ANKRD44: variants seen among roughly 807,000 people sequenced by gnomAD.
ANKRD44 encodes the protein serine/threonine-protein phosphatase 6 regulatory ankyrin repeat subunit B.
A neutral mutation model predicts 116.0 loss-of-function variants in ANKRD44; 35 were observed. The ratio of observed to expected loss-of-function variants is 0.30; its 90% CI spans 0.23 to 0.40. ANKRD44 has a LOEUF of 0.40. ANKRD44 is among the 10% of genes least tolerant of loss of function. The probability of loss-of-function intolerance (pLI) is 1.00; values close to 1 mark genes in which losing one functional copy is unlikely to be tolerated. For missense variants in ANKRD44, 1,014 were observed against 1,242.6 expected, an observed-to-expected ratio of 0.82 and a Z score of 2.77; for synonymous variants, 435 against 461.8, an observed-to-expected ratio of 0.94 and a Z score of 0.74.
intron 27 of ANKRD44, 116 bp from the exon 28 acceptor site, chr2:196,989,765 T>A: frequency 1.3e-6 from 2 of 1,498,080 alleles, no homozygotes; most frequent in South Asian, 1.3e-5. Flanking sequence ...ACTTTTTTTG[T>A]TCCTTTTTGC....
chr2:197,043,774 T>C (rs1158434748), intron 16 of ANKRD44, among the ~76,000 whole-genome samples: 1 of 152,082 alleles, frequency 6.6e-6, no homozygotes, highest in Non-Finnish European at 1.5e-5. Flanking sequence ...GTTTTTTTTT[T>C]CCCTTTCAGG....
At chr2:197,059,142 G>T (rs2125045352) in intron 16 of ANKRD44, among the ~76,000 whole-genome samples, 1 of 152,238 alleles carries the variant, frequency 6.6e-6, no homozygotes, top group South Asian at 2.1e-4. Flanking sequence ...GAGAGTAGAG[G>T]GGTAGGGGTG....
At chr2:196,995,598 T>A (rs901767153) in intron 25 of ANKRD44, 137 bp from the exon 26 acceptor site, 1 of 589,178 alleles carries the variant, frequency 1.7e-6, no homozygotes, top group Admixed American at 3.3e-5. Flanking sequence ...TTCTGAGTAA[T>A]TTTTTTTCTT....
intron 1 of ANKRD44, among the ~76,000 whole-genome samples, chr2:197,250,642 A>G (rs2082294642): frequency 6.6e-6 from 1 of 152,184 alleles, no homozygotes; most frequent in African/African-American, 2.4e-5. Context: ...TATACACCTT[A>G]TGTGCATTCT....
At chr2:197,225,384 C>A (rs1393462239) in intron 1 of ANKRD44, among the ~76,000 whole-genome samples, 2 of 152,114 alleles carry the variant, frequency 1.3e-5, no homozygotes, top group African/African-American at 4.8e-5. Context: ...CGCTCTGTCA[C>A]CCAGGCTGGA....
At chr2:197,063,571 C>T (rs752824735) in intron 16 of ANKRD44, among the ~76,000 whole-genome samples, 12 of 152,236 alleles carry the variant, frequency 7.9e-5, no homozygotes, top group Middle Eastern at 3.4e-3. Context: ...ATTAGACGAA[C>T]GGCTAACTGG....
At chr2:197,240,374 CA>C (rs5837533) in intron 1 of ANKRD44, among the ~76,000 whole-genome samples, 50,924 of 96,148 alleles carry the variant, frequency 0.53, 10,386 homozygotes, top group East Asian at 0.74. Flanking sequence ...GGCTCCAGCT[CA>C]AAAAAAAAAA....
chr2:197,156,109 G>T (rs1449163028), intron 2 of ANKRD44, among the ~76,000 whole-genome samples: 1 of 152,192 alleles, frequency 6.6e-6, no homozygotes, highest in Non-Finnish European at 1.5e-5. Flanking sequence ...CACTTTGGGA[G>T]GCCAAGGCGG....
intron 1 of ANKRD44, among the ~76,000 whole-genome samples, chr2:197,285,137 C>T (rs1396771725): frequency 6.6e-6 from 1 of 151,828 alleles, no homozygotes; most frequent in Non-Finnish European, 1.5e-5. Flanking sequence ...ACCCACATCA[C>T]ATTCTGCAGG....
intron 1 of ANKRD44, among the ~76,000 whole-genome samples, chr2:197,244,546 T>C (rs1412354133): frequency 6.6e-6 from 1 of 152,234 alleles, no homozygotes; most frequent in African/African-American, 2.4e-5. Flanking sequence ...TGGGATAGAA[T>C]TGGTACAAAA....
intron 19 of ANKRD44, 86 bp downstream of exon 19, chr2:197,008,858 A>C: frequency 2.5e-6 from 3 of 1,196,868 alleles, no homozygotes; most frequent in Non-Finnish European, 3.7e-6. Context: ...TCGGTTCCGC[A>C]GTCAGCCTTG....
At chr2:197,038,439 A>G (rs2076847210) in intron 16 of ANKRD44, among the ~76,000 whole-genome samples, 1 of 152,254 alleles carries the variant, frequency 6.6e-6, no homozygotes, top group South Asian at 2.1e-4. Flanking sequence ...TATAACTGAA[A>G]AATGGTCTAG....
chr2:197,157,786 A>G (rs1453910946), intron 2 of ANKRD44, among the ~76,000 whole-genome samples: 1 of 151,662 alleles, frequency 6.6e-6, no homozygotes, highest in Non-Finnish European at 1.5e-5. Flanking sequence ...GTAAGGATGT[A>G]GAAAATAAAT....
intron 21 of ANKRD44, among the ~76,000 whole-genome samples, chr2:196,979,542 TTA>T (rs2075784804): frequency 6.7e-6 from 1 of 148,910 alleles, no homozygotes; most frequent in Non-Finnish European, 1.5e-5. Flanking sequence ...CCTGAGTAAT[TTA>T]ATAAGATGAC....
intron 18 of ANKRD44, among the ~76,000 whole-genome samples, chr2:197,012,683 T>C (rs979677568): frequency 2.6e-5 from 4 of 152,222 alleles, no homozygotes; most frequent in African/African-American, 9.6e-5. Context: ...TCTATCATTC[T>C]GGGAAAATTT....
At chr2:197,259,845 T>G (rs1166015426) in intron 1 of ANKRD44, among the ~76,000 whole-genome samples, 1 of 152,188 alleles carries the variant, frequency 6.6e-6, no homozygotes, top group Non-Finnish European at 1.5e-5. Context: ...TCACTTGCTA[T>G]AACTCATTGA....
At chr2:197,016,029 G>C in intron 17 of ANKRD44, 1 of 532,644 alleles carries the variant, frequency 1.9e-6, no homozygotes, top group South Asian at 1.4e-5. Flanking sequence ...CAGCAGAAAA[G>C]GGCTAGAGTT....
At chr2:197,126,061 G>A in intron 4 of ANKRD44, 24 bp from the exon 5 acceptor site, 1 of 1,613,012 alleles carries the variant, frequency 6.2e-7, no homozygotes, top group Non-Finnish European at 8.5e-7. Context: ...AGAGTTTGCA[G>A]AGGTCACTGA....
intron 4 of ANKRD44, among the ~76,000 whole-genome samples, chr2:197,129,196 G>C (rs1315569482): frequency 6.6e-6 from 1 of 151,552 alleles, no homozygotes; most frequent in Non-Finnish European, 1.5e-5. Flanking sequence ...GAGTGCAGTG[G>C]TACCAACCCG....
Sources: gnomAD v4.1 joint callset for allele counts (sites outside exome capture counted in the v4.1 genomes callset) on GRCh38, gnomAD v4.1.1 for gene constraint, MANE v1.5 for transcripts, NCBI Gene and HGNC (gene_info 2026-07-23, HGNC 2026-07-21) for gene names.